SUMF1: variants seen among roughly 807,000 people sequenced by gnomAD.
SUMF1 encodes sulfatase modifying factor 1.
Under a neutral mutation model 47.6 loss-of-function variants are expected in SUMF1, and 48 were observed. That is an observed-to-expected ratio of 1.01 (90% CI 0.80 to 1.28). SUMF1 has a LOEUF of 1.28. SUMF1 is among the 50% of genes most tolerant of loss of function. The pLI, the probability that SUMF1 is intolerant of heterozygous loss-of-function variation, is 0.00. For synonymous variants in SUMF1, 230 were observed against 192.1 expected (o/e 1.20, Z -1.63); for missense variants, 571 against 485.4 (o/e 1.18, Z -1.66).
intron 8 of SUMF1, among the ~76,000 whole-genome samples, chr3:4,341,709 T>A (rs982907466): frequency 1.3e-5 from 2 of 152,196 alleles, no homozygotes; most frequent in African/African-American, 2.4e-5. Context: ...TTTAAAAAAA[T>A]TTGTATTTCT....
chr3:4,324,005 G>C (rs1698891627), intron 8 of SUMF1, among the ~76,000 whole-genome samples: 1 of 152,108 alleles, frequency 6.6e-6, no homozygotes, highest in Non-Finnish European at 1.5e-5. Context: ...CTAGAAATTT[G>C]ATACTGGTTC....
At chr3:4,078,617 G>C (rs1403190359) in intron 8 of SUMF1, among the ~76,000 whole-genome samples, 3 of 151,990 alleles carry the variant, frequency 2.0e-5, no homozygotes, top group Non-Finnish European at 4.4e-5. Flanking sequence ...AACAGGCCCA[G>C]TGTGGTAGCT....
At chr3:4,414,507 A>C (rs1701645052) in intron 6 of SUMF1, 1 of 152,228 alleles carries the variant, frequency 6.6e-6, no homozygotes, top group Non-Finnish European at 1.5e-5. Flanking sequence ...GATTGCCATA[A>C]GATAGAGATC....
intron 8 of SUMF1, among the ~76,000 whole-genome samples, chr3:4,293,033 T>G (rs1032044178): frequency 2.6e-5 from 4 of 152,160 alleles, no homozygotes; most frequent in Admixed American, 2.6e-4. Context: ...TGAAAATACT[T>G]GACTTTTTTA....
At chr3:4,142,390 C>T (rs1185534021) in intron 8 of SUMF1, among the ~76,000 whole-genome samples, 1 of 152,094 alleles carries the variant, frequency 6.6e-6, no homozygotes, top group African/African-American at 2.4e-5. Context: ...GTCACATGCC[C>T]TCACCTACAC....
chr3:4,324,777 A>C (rs73014282), intron 8 of SUMF1, among the ~76,000 whole-genome samples: 5,921 of 152,208 alleles, frequency 0.039, 164 homozygotes, highest in Non-Finnish European at 0.057. Context: ...TACCAAGTTA[A>C]TTTCCCAAGC....
At chr3:4,166,659 G>C (rs1433162778) in intron 8 of SUMF1, among the ~76,000 whole-genome samples, 1 of 152,110 alleles carries the variant, frequency 6.6e-6, no homozygotes, top group South Asian at 2.1e-4. Context: ...CAGGCATTAG[G>C]ACCCAGGAGG....
At chr3:4,125,239 G>T (rs1435602871) in intron 8 of SUMF1, among the ~76,000 whole-genome samples, 4 of 152,022 alleles carry the variant, frequency 2.6e-5, no homozygotes, top group African/African-American at 9.7e-5. Context: ...AAATGCCTCA[G>T]TTGTACTAGC....
intron 8 of SUMF1, among the ~76,000 whole-genome samples, chr3:4,338,347 C>A (rs1264949011): frequency 2.0e-5 from 3 of 151,982 alleles, no homozygotes; most frequent in African/African-American, 7.2e-5. Flanking sequence ...AAAGAAAAGG[C>A]ATCTTGACAC....
intron 1 of SUMF1, among the ~76,000 whole-genome samples, chr3:4,465,417 T>C (rs2079916969): frequency 1.3e-5 from 2 of 151,692 alleles, no homozygotes; most frequent in Admixed American, 6.6e-5. Context: ...AGGTGGAGAT[T>C]GCAGTGAGCG....
At chr3:4,237,940 C>A (rs1474700082) in intron 8 of SUMF1, among the ~76,000 whole-genome samples, 2 of 151,102 alleles carry the variant, frequency 1.3e-5, no homozygotes, top group Non-Finnish European at 3.0e-5. Flanking sequence ...AGCCCCACAA[C>A]CCCCAACAGG....
Position 4,082,615 on chromosome 3 carries a change from G to C in SUMF1, c.1015-13870C>G, listed in dbSNP as rs144680584. On this transcript the variant is annotated intron_variant and NMD_transcript_variant, in intron 8 of 12. Coordinates refer to the SUMF1 transcript ENST00000448413. ...AGGATTGCTGATGTGGAGTGAAAGA[G>C]ATTAGTCAAAATGCCTATTGTAAAC... Among the ~76,000 whole-genome samples, 173 of 152,196 alleles carry C rather than the reference G, an allele frequency of 1.1e-3. 7 individuals carry two copies. Among genetic ancestry groups the C allele is most frequent in the African/African-American group, 4.0e-3 (165 of 41,498 alleles).
At chr3:4,188,738 A>G (rs1695254738) in intron 8 of SUMF1, among the ~76,000 whole-genome samples, 1 of 152,150 alleles carries the variant, frequency 6.6e-6, no homozygotes, top group Non-Finnish European at 1.5e-5. Context: ...TTCCTTGTCT[A>G]TAAAATGGGG....
At chr3:4,064,372 C>T (rs1198372237) in intron 9 of SUMF1, among the ~76,000 whole-genome samples, 1 of 151,978 alleles carries the variant, frequency 6.6e-6, no homozygotes, top group Non-Finnish European at 1.5e-5. Context: ...ATGGAAACAT[C>T]CGGAAGTTAC....
intron 9 of SUMF1, among the ~76,000 whole-genome samples, chr3:4,047,451 C>G (rs188474493): frequency 4.8e-4 from 73 of 152,232 alleles, no homozygotes; most frequent in Non-Finnish European, 7.4e-4. Flanking sequence ...TCTTCACATT[C>G]TTTGCATCCA....
At chr3:4,410,330 G>C (rs765774064) in intron 7 of SUMF1, among the ~76,000 whole-genome samples, 2 of 152,160 alleles carry the variant, frequency 1.3e-5, no homozygotes, top group Non-Finnish European at 2.9e-5. Flanking sequence ...CTGTTCCTAA[G>C]TTATAAGGTG....
chr3:4,454,554 ATGAC>A (rs1239107573), intron 1 of SUMF1, among the ~76,000 whole-genome samples: 4 of 152,238 alleles, frequency 2.6e-5, no homozygotes, highest in Non-Finnish European at 5.9e-5. Context: ...GAAGAGTTAT[ATGAC>A]CCTGCAGTTC....
At chr3:4,079,242 C>A (rs553893588) in intron 8 of SUMF1, among the ~76,000 whole-genome samples, 1 of 152,200 alleles carries the variant, frequency 6.6e-6, no homozygotes, top group South Asian at 2.1e-4. Context: ...GCTAACACCT[C>A]GCTTCAATCC....
chr3:4,343,710 T>C (rs9866517), intron 8 of SUMF1, among the ~76,000 whole-genome samples: 28,063 of 152,186 alleles, frequency 0.18, 2,702 homozygotes, highest in Middle Eastern at 0.25. Flanking sequence ...TGGATGTAAA[T>C]TGGTAAACTA....
Sources: gnomAD v4.1 joint callset for allele counts (sites outside exome capture counted in the v4.1 genomes callset) on GRCh38, gnomAD v4.1.1 for gene constraint, MANE v1.5 for transcripts, NCBI Gene and HGNC (gene_info 2026-07-23, HGNC 2026-07-21) for gene names.